SLC27A2: variants seen among roughly 807,000 people sequenced by gnomAD.
SLC27A2 encodes the protein long-chain fatty acid transport protein 2.
SLC27A2 carries 54 observed loss-of-function variants against 60.0 expected under a neutral mutation model. The observed-to-expected ratio is 0.90, with a 90% CI of 0.72 to 1.13. The LOEUF is 1.13. Among genes scored for constraint, SLC27A2 ranks in the 50% most tolerant of loss-of-function variants. The pLI, the probability that SLC27A2 is intolerant of heterozygous loss-of-function variation, is 0.00. For synonymous variants in SLC27A2, 297 were observed against 297.6 expected (o/e 1.00, Z 0.02); for missense variants, 739 against 777.6 (o/e 0.95, Z 0.59).
At chr15:50,209,578 C>T (rs1235177011) in intron 4 of SLC27A2, among the ~76,000 whole-genome samples, 1 of 152,166 alleles carries the variant, frequency 6.6e-6, no homozygotes, top group Non-Finnish European at 1.5e-5. Flanking sequence ...AAGGGCTTTA[C>T]TCTGCTGAGA....
In SLC27A2 at chr15:50,202,349, C is replaced by G. The variant is rs929830095; in HGVS notation, c.689-138C>G. 8 of 787,588 alleles carry G rather than the reference C, an allele frequency of 1.0e-5. No individual in the cohort carries two copies. In the African/African-American group the frequency reaches 1.2e-4, roughly 12 times the overall value. The allele number at this position is 787,588 out of a possible 1,614,324, so 48.8% of individuals were successfully genotyped here. A position where few individuals can be genotyped will look rare whatever the true frequency, so the allele number is the denominator to read the frequency against. ...CTTTATAGAAAACATTTGTCAACTC[C>G]TGGACTAACTGGTCATGGCCCTTCC... On this transcript the variant is annotated intron_variant, in intron 2 of 9. Transcript: ENST00000267842.
At chr15:50,212,658 G>C (rs1187860237) in intron 4 of SLC27A2, among the ~76,000 whole-genome samples, 1 of 152,156 alleles carries the variant, frequency 6.6e-6, no homozygotes, top group African/African-American at 2.4e-5. Context: ...CAAAACAAGT[G>C]TAAGCCAAGA....
chr15:50,193,211 G>C (rs183589638), intron 1 of SLC27A2, among the ~76,000 whole-genome samples: 119 of 152,296 alleles, frequency 7.8e-4, no homozygotes, highest in Admixed American at 1.8e-3. Context: ...TCAGTTTACA[G>C]GGCACTTCTT....
chr15:50,228,888 T>C (rs1595692901), intron 7 of SLC27A2, 57 bp from the exon 8 acceptor site: 3 of 1,206,678 alleles, frequency 2.5e-6, no homozygotes, highest in East Asian at 4.7e-5. Flanking sequence ...CTCTCCGACA[T>C]TGCAACCTGG....
intron 1 of SLC27A2, among the ~76,000 whole-genome samples, chr15:50,188,994 G>A (rs990769787): frequency 1.3e-5 from 2 of 150,288 alleles, no homozygotes; most frequent in African/African-American, 5.0e-5. Context: ...TAGATAGATA[G>A]ATAGATAGAT....
At chr15:50,195,549 T>TA (rs1334411222) in intron 1 of SLC27A2, among the ~76,000 whole-genome samples, 1 of 152,074 alleles carries the variant, frequency 6.6e-6, no homozygotes, top group Non-Finnish European at 1.5e-5. Context: ...GCATTAGCTT[T>TA]AGTTGTGAGG....
intron 1 of SLC27A2, among the ~76,000 whole-genome samples, chr15:50,196,122 A>ATATG (rs1349184904): frequency 8.0e-5 from 8 of 100,530 alleles, no homozygotes; most frequent in East Asian, 3.0e-4. Flanking sequence ...ATATATATAT[A>ATATG]TATGTATGTA....
chr15:50,188,652 G>A (rs550233574), intron 1 of SLC27A2, among the ~76,000 whole-genome samples: 11 of 152,276 alleles, frequency 7.2e-5, no homozygotes, highest in Middle Eastern at 3.4e-3. Context: ...GCACATAGTA[G>A]GCAGGCAGTC....
At position 50,226,089 on chromosome 15, in the gene SLC27A2, CT is replaced by C; in HGVS notation, c.1258+15del. ...TCAGAGTTCCCAAAGGTACAGTGGA[CT>C]TTTGTTCAATCAACCTGTGCCCCTT... is the stretch of plus-strand genomic sequence containing the variant. On this transcript the variant is annotated intron_variant, in intron 6 of 9. Transcript: ENST00000267842. The C allele has an allele frequency of 6.4e-7, 1 of 1,563,426 alleles. No homozygotes were observed.
intron 4 of SLC27A2, among the ~76,000 whole-genome samples, chr15:50,207,721 C>T (rs2045123966): frequency 6.7e-6 from 1 of 148,236 alleles, no homozygotes; most frequent in African/African-American, 2.5e-5. Context: ...AAGCAGGAGG[C>T]AGATGTTGCT....
At chr15:50,220,657 C>T (rs947574690) in intron 4 of SLC27A2, among the ~76,000 whole-genome samples, 7 of 152,032 alleles carry the variant, frequency 4.6e-5, no homozygotes, top group African/African-American at 1.7e-4. Flanking sequence ...ATCCTTGGGG[C>T]GGCAGTGGGA....
intron 3 of SLC27A2, 82 bp from the exon 4 acceptor site, chr15:50,205,157 G>T (rs2278166): frequency 0.43 from 642,020 of 1,482,844 alleles, 141,483 homozygotes; most frequent in Admixed American, 0.57. Flanking sequence ...AATTTCTACC[G>T]TTCAAAGTTG....
chr15:50,194,498 G>A (rs8025232), intron 1 of SLC27A2, among the ~76,000 whole-genome samples: 15 of 152,022 alleles, frequency 9.9e-5, no homozygotes, highest in Non-Finnish European at 1.8e-4. Flanking sequence ...AGGCACCTCC[G>A]GTCCTCCCGA....
At chr15:50,231,546 A>G (rs2045317118) in intron 8 of SLC27A2, among the ~76,000 whole-genome samples, 2 of 152,222 alleles carry the variant, frequency 1.3e-5, no homozygotes, top group African/African-American at 4.8e-5. Flanking sequence ...TCTGAGAAGC[A>G]CTAAAGCCCA....
In SLC27A2 at chr15:50,203,806, CT is replaced by C. The variant is rs368387844; in HGVS notation, c.847+1163del. On this transcript the variant is annotated intron_variant, in intron 3 of 9. Transcript: ENST00000267842. ...TAGTGCCTTCATGAAAGGTAGTGCC[CT>C]TATCAGAACAGGAGACAGCCAGCTT... Among the ~76,000 whole-genome samples, 436 of 152,086 alleles carry C rather than the reference CT, an allele frequency of 2.9e-3. 1 individual carries two copies. The highest frequency in any genetic ancestry group is 9.9e-3 in the African/African-American group (411 of 41,488).
At chr15:50,233,069 T>C (rs1456472221) in intron 8 of SLC27A2, among the ~76,000 whole-genome samples, 1 of 152,142 alleles carries the variant, frequency 6.6e-6, no homozygotes, top group East Asian at 1.9e-4. Flanking sequence ...TGTTGGAAAC[T>C]TCTCTGGGCT....
At chr15:50,183,323 T>G (rs2044886248) in intron 1 of SLC27A2, among the ~76,000 whole-genome samples, 1 of 152,112 alleles carries the variant, frequency 6.6e-6, no homozygotes, top group Non-Finnish European at 1.5e-5. Flanking sequence ...CCAGAGGGGC[T>G]CTTCTCACCT....
At position 50,208,434 on chromosome 15, in the gene SLC27A2, C is replaced by T. The variant is rs539720454; in HGVS notation, c.972+3071C>T. ...TTAACCTCTCTAAATCTCAGCTTCC[C>T]GTCAGCCAACAAGGAGATAATAGTA... On this transcript the variant is annotated intron_variant, in intron 4 of 9. Transcript: ENST00000267842. Among the ~76,000 whole-genome samples the T allele has an allele frequency of 5.5e-4, 84 of 152,244 alleles. 1 individual carries two copies. The highest frequency in any genetic ancestry group is 3.4e-3 in the Middle Eastern group (1 of 294).
intron 1 of SLC27A2, among the ~76,000 whole-genome samples, chr15:50,186,481 G>A (rs12906706): frequency 5.3e-5 from 8 of 152,244 alleles, no homozygotes; most frequent in African/African-American, 1.4e-4. Flanking sequence ...CTGTTGCCCA[G>A]GCTGGAGGTG....
Sources: gnomAD v4.1 joint callset for allele counts (sites outside exome capture counted in the v4.1 genomes callset) on GRCh38, gnomAD v4.1.1 for gene constraint, MANE v1.5 for transcripts, NCBI Gene and HGNC (gene_info 2026-07-23, HGNC 2026-07-21) for gene names.